The following PDE1A variants were observed in gnomAD, a reference collection of about 807,000 sequenced individuals.
The protein encoded by PDE1A is dual specificity calcium/calmodulin-dependent 3',5'-cyclic nucleotide phosphodiesterase 1A.
PDE1A carries 35 observed loss-of-function variants against 61.7 expected under a neutral mutation model. The ratio of observed to expected loss-of-function variants is 0.57; its 90% CI spans 0.43 to 0.75. The LOEUF is 0.75. Among genes scored for constraint, PDE1A ranks in the 30% least tolerant of loss-of-function variants. The pLI, the probability that PDE1A is intolerant of heterozygous loss-of-function variation, is 0.00. For synonymous variants in PDE1A, 232 were observed against 213.2 expected, an observed-to-expected ratio of 1.09 and a Z score of -0.77; for missense variants, 597 against 630.6, an observed-to-expected ratio of 0.95 and a Z score of 0.57.
the PDE1A span, among the ~76,000 whole-genome samples, chr2:182,639,779 T>C: frequency 1.3e-5 from 2 of 151,318 alleles, no homozygotes; most frequent in African/African-American, 4.8e-5. Context: ...ACTGGAATCC[T>C]GAGAGAATAA....
At chr2:182,187,869 CGAGTA>C (rs1316438331) in intron 11 of PDE1A, among the ~76,000 whole-genome samples, 1 of 151,100 alleles carries the variant, frequency 6.6e-6, no homozygotes, top group Non-Finnish European at 1.5e-5. Flanking sequence ...CTCGGCCTCC[CGAGTA>C]GCTGGGATTA....
intron 2 of PDE1A, among the ~76,000 whole-genome samples, chr2:182,464,126 A>G (rs1264283699): frequency 2.0e-5 from 3 of 152,152 alleles, no homozygotes; most frequent in Non-Finnish European, 4.4e-5. Context: ...AAGAATCTAG[A>G]ACTCCCAAAA....
At chr2:182,172,585 T>G (rs774790032) in intron 13 of PDE1A, among the ~76,000 whole-genome samples, 20 of 152,048 alleles carry the variant, frequency 1.3e-4, no homozygotes, top group Non-Finnish European at 2.9e-5. Context: ...ACTAGAACTC[T>G]AATTTGGGTA....
chr2:182,514,015 A>G (rs1401898555), intron 2 of PDE1A, among the ~76,000 whole-genome samples: 1 of 152,154 alleles, frequency 6.6e-6, no homozygotes, highest in African/African-American at 2.4e-5. Flanking sequence ...AACACCCCAC[A>G]GCATTTCTAT....
At chr2:182,237,410 G>C (rs1212353849) in intron 3 of PDE1A, among the ~76,000 whole-genome samples, 1 of 152,068 alleles carries the variant, frequency 6.6e-6, no homozygotes, top group Non-Finnish European at 1.5e-5. Context: ...CTCGGGAGGC[G>C]GAGGTTGCAG....
At chr2:182,241,012 G>A (rs1258164541) in intron 2 of PDE1A, among the ~76,000 whole-genome samples, 1 of 152,208 alleles carries the variant, frequency 6.6e-6, no homozygotes, top group Non-Finnish European at 1.5e-5. Context: ...AACCCAGTGA[G>A]TGAGGTAGTG....
At chr2:182,597,935 C>G in the PDE1A span, among the ~76,000 whole-genome samples, 2 of 152,346 alleles carry the variant, frequency 1.3e-5, no homozygotes, top group African/African-American at 2.4e-5. Context: ...AATTGCTGTT[C>G]TCCCATGAAA....
exon 3 of PDE1A, chr2:182,240,250 A>G: frequency 1.2e-6 from 2 of 1,611,492 alleles, no homozygotes; most frequent in Non-Finnish European, 1.7e-6. Flanking sequence ...GGACTGAGTC[A>G]GTCTGAATGT....
At chr2:182,279,655 T>C (rs1221018219) in intron 1 of PDE1A, among the ~76,000 whole-genome samples, 1 of 151,894 alleles carries the variant, frequency 6.6e-6, no homozygotes, top group East Asian at 1.9e-4. Context: ...AACATCTTTA[T>C]TGGAGTAAAT....
chr2:182,670,927 C>T, the PDE1A span, among the ~76,000 whole-genome samples: 2 of 151,908 alleles, frequency 1.3e-5, no homozygotes, highest in Admixed American at 1.3e-4. Context: ...AAGTGATTCT[C>T]CTGCCTCAGC....
chr2:182,464,261 T>G (rs1368204971), intron 2 of PDE1A, among the ~76,000 whole-genome samples: 1 of 151,974 alleles, frequency 6.6e-6, no homozygotes, highest in African/African-American at 2.4e-5. Flanking sequence ...AGAAAGACTT[T>G]ACTTAGGACC....
chr2:182,185,687 C>T, intron 13 of PDE1A: 1 of 839,770 alleles, frequency 1.2e-6, no homozygotes, highest in Non-Finnish European at 1.8e-6. Flanking sequence ...ATCTGCAGCC[C>T]ATGTGGCACA....
chr2:182,364,490 A>AAC (rs1699719676), intron 1 of PDE1A, among the ~76,000 whole-genome samples: 1 of 144,000 alleles, frequency 6.9e-6, no homozygotes, highest in African/African-American at 2.5e-5. Flanking sequence ...AAAAAAAAAA[A>AAC]AAAAAAAAAC....
chr2:182,280,954 G>A (rs1430420824), intron 1 of PDE1A, among the ~76,000 whole-genome samples: 1 of 151,866 alleles, frequency 6.6e-6, no homozygotes, highest in Non-Finnish European at 1.5e-5. Context: ...ATAAGTTACA[G>A]GGCTGGTGCA....
chr2:182,277,691 C>T (rs1440326042), intron 1 of PDE1A, among the ~76,000 whole-genome samples: 9 of 152,174 alleles, frequency 5.9e-5, no homozygotes, highest in Admixed American at 5.9e-4. Context: ...TAGATCCTTG[C>T]TAGAGAGCTA....
At chr2:182,282,994 A>G (rs1693912377) in intron 1 of PDE1A, among the ~76,000 whole-genome samples, 1 of 152,066 alleles carries the variant, frequency 6.6e-6, no homozygotes, top group Non-Finnish European at 1.5e-5. Context: ...AATCCATGCT[A>G]TTTCCATCTA....
rs542326047 is a variant in PDE1A, at chr2:182,383,906, T to C, written c.53+42672A>G. 3.9e-5 allele frequency among the ~76,000 whole-genome samples: 6 copies of C among 152,294 alleles called. No individual in the cohort carries two copies. The South Asian group carries it at 1.2e-3, about 32-fold the overall frequency. ...CCTTGGATTCCACCACACGGCCTAC[T>C]ACAGTAAAACTCAGCACTGGGAAGA... On this transcript the variant is annotated intron_variant, in intron 1 of 13. Transcript: ENST00000351439.
intron 2 of PDE1A, among the ~76,000 whole-genome samples, chr2:182,496,241 C>T (rs1688705689): frequency 6.6e-6 from 1 of 151,882 alleles, no homozygotes; most frequent in Admixed American, 6.6e-5. Flanking sequence ...TTGTACTAGG[C>T]TACAAAATAT....
At chr2:182,417,153 A>G (rs113350868) in intron 1 of PDE1A, among the ~76,000 whole-genome samples, 82 of 152,330 alleles carry the variant, frequency 5.4e-4, no homozygotes, top group African/African-American at 1.7e-3. Flanking sequence ...AATTCTCCCT[A>G]TTCCTGAGAC....
Sources: allele counts gnomAD v4.1 joint callset (sites outside exome capture counted in the v4.1 genomes callset), GRCh38; gene constraint gnomAD v4.1.1; transcripts MANE v1.5; gene names NCBI Gene and HGNC (gene_info 2026-07-23, HGNC 2026-07-21).